The following FCRL2 variants were observed in gnomAD, a reference collection of about 807,000 sequenced individuals.
The protein encoded by FCRL2 is Fc receptor like 2.
A neutral mutation model predicts 59.8 loss-of-function variants in FCRL2; 48 were observed. That is an observed-to-expected ratio of 0.80 (90% CI 0.64 to 1.02). FCRL2 has a LOEUF of 1.02. FCRL2 is among the 50% of genes least tolerant of loss of function. FCRL2 has a pLI of 0.00. For synonymous variants in FCRL2, 251 were observed against 229.5 expected (o/e 1.09, Z -0.85); for missense variants, 658 against 597.3 (o/e 1.10, Z -1.06).
At position 157,766,858 on chromosome 1, in the gene FCRL2, A is replaced by G; in HGVS notation, c.1276T>C (p.Ser426Pro). ...GAATCCAAATGGTAGATACAACCTGATATCTTGTGGAACAAGGCATACAAC... is the reference window on the plus strand; with the variant it reads ...GAATCCAAATGGTAGATACAACCTGGTATCTTGTGGAACAAGGCATACAAC... ...LLLYALFHKISGESSATNEPR... is the reference protein window; with the variant it reads ...LLLYALFHKIPGESSATNEPR... Residue 426 changes from serine to proline, a missense_variant, in exon 7 of 12, where the codon TCA (serine) becomes CCA (proline). By Grantham distance (74) the Ser-to-Pro change is moderately conservative. Coordinates refer to ENST00000361516, the MANE Select transcript of FCRL2 (RefSeq NM_030764.4). 6.2e-7 allele frequency: 1 copy of G among 1,614,196 alleles called. No individual in the cohort carries two copies. The highest frequency in any genetic ancestry group is 1.1e-5 in the South Asian group (1 of 91,082).
At chr1:157,768,286 A>G (rs1649681614) in intron 5 of FCRL2, 128 bp downstream of exon 5, 10 of 925,252 alleles carry the variant, frequency 1.1e-5, no homozygotes, top group African/African-American at 8.2e-5. Flanking sequence ...AGCGTAACCC[A>G]TTTTCAAATT....
At chr1:157,770,196 A>C (rs1354652787) in intron 3 of FCRL2, 46 bp from the exon 4 acceptor site, 27 of 1,591,938 alleles carry the variant, frequency 1.7e-5, no homozygotes, top group Non-Finnish European at 2.2e-5. Context: ...GACAGCTAAG[A>C]TTCCTGCTGA....
chr1:157,762,350 G>T (rs942536864), intron 7 of FCRL2, among the ~76,000 whole-genome samples: 3 of 152,206 alleles, frequency 2.0e-5, no homozygotes, highest in Non-Finnish European at 4.4e-5. Flanking sequence ...CATGCTGGCT[G>T]CCCAGGGGCC....
At chr1:157,756,410 T>A (rs568659723) in intron 7 of FCRL2, among the ~76,000 whole-genome samples, 44 of 152,352 alleles carry the variant, frequency 2.9e-4, no homozygotes, top group Non-Finnish European at 5.4e-4. Flanking sequence ...TGGCCAGGCA[T>A]GGTGACTCAT....
Position 157,770,504 on chromosome 1 carries a change from G to A in FCRL2, c.215C>T (p.Ala72Val), listed in dbSNP as rs777377516. The A allele has an allele frequency of 6.2e-7, 1 of 1,614,126 alleles. No homozygotes were observed. The highest frequency in any genetic ancestry group is 1.1e-5 in the South Asian group (1 of 91,082). Residue 72 changes from alanine (A) to valine (V), a missense_variant, in exon 3 of 12, where the codon GCA (alanine) becomes GTA (valine). Physicochemically the swap from Ala to Val is moderately conservative, Grantham distance 64. Coordinates refer to ENST00000361516, the MANE Select transcript of FCRL2 (RefSeq NM_030764.4). Reference protein sequence around the residue: ...KKFSDFLIQSAVLSDSGNYFC... With the variant: ...KKFSDFLIQSVVLSDSGNYFC... Reference sequence around the variant, plus strand: ...ATAGTTACCACTGTCACTTAAAACTGCACTTTGGATAAGGAAATCTGAGAA... The same window carrying A: ...ATAGTTACCACTGTCACTTAAAACTACACTTTGGATAAGGAAATCTGAGAA...
chr1:157,760,391 G>A (rs772213492), intron 7 of FCRL2, among the ~76,000 whole-genome samples: 1 of 151,928 alleles, frequency 6.6e-6, no homozygotes, highest in Non-Finnish European at 1.5e-5. Flanking sequence ...GCGAGGCCGA[G>A]GCGGGTGGAT....
chr1:157,748,013 T>A (rs1215846800), intron 10 of FCRL2, among the ~76,000 whole-genome samples: 1 of 152,076 alleles, frequency 6.6e-6, no homozygotes, highest in African/African-American at 2.4e-5. Context: ...CATTAGACCA[T>A]CACCCTATTT....
chr1:157,764,232 TG>T (rs1474254090), intron 7 of FCRL2, among the ~76,000 whole-genome samples: 1 of 144,900 alleles, frequency 6.9e-6, no homozygotes, highest in East Asian at 2.0e-4. Flanking sequence ...TAAATAATGG[TG>T]AAAAAAAAAC....
chr1:157,752,857 A>G (rs868459337), intron 7 of FCRL2, among the ~76,000 whole-genome samples: 3 of 152,350 alleles, frequency 2.0e-5, no homozygotes, highest in Middle Eastern at 6.8e-3. Context: ...TCAAAATTTA[A>G]GAGAATCCTA....
intron 7 of FCRL2, among the ~76,000 whole-genome samples, chr1:157,764,073 A>G (rs1287057147): frequency 2.0e-5 from 3 of 151,354 alleles, no homozygotes; most frequent in East Asian, 3.9e-4. Context: ...GTGTGGTGGC[A>G]CACGCCTGTA....
intron 7 of FCRL2, among the ~76,000 whole-genome samples, chr1:157,761,279 C>CA (rs912225811): frequency 2.6e-5 from 4 of 152,134 alleles, no homozygotes; most frequent in African/African-American, 7.2e-5. Flanking sequence ...TGAGTGAGCA[C>CA]AAAAAAACCC....
intron 5 of FCRL2, 43 bp downstream of exon 5, chr1:157,768,371 G>T: frequency 6.3e-7 from 1 of 1,584,390 alleles, no homozygotes; most frequent in Non-Finnish European, 8.6e-7. Flanking sequence ...TCATGACCTT[G>T]GTCTGGGAAT....
At chr1:157,746,962 T>C in intron 10 of FCRL2, 63 bp from the exon 11 acceptor site, 1 of 1,543,232 alleles carries the variant, frequency 6.5e-7, no homozygotes, top group Non-Finnish European at 8.9e-7. Context: ...ACTCCCAGAC[T>C]TTATGCCCCA....
chr1:157,767,011 GA>G, intron 6 of FCRL2, 40 bp from the exon 7 acceptor site: 1 of 1,547,238 alleles, frequency 6.5e-7, no homozygotes, highest in Non-Finnish European at 8.8e-7. Context: ...AGAGGTTTAA[GA>G]CTTGGGCCCT....
Position 157,746,560 on chromosome 1 carries a change from T to A in FCRL2, c.*176A>T. ...CAGCAGTTCAATGAATATTGATAGG[T>A]AAAAGAAGATATTGGAGAAGAAACA... On this transcript the variant is annotated 3_prime_UTR_variant, in exon 12 of 12. Coordinates refer to ENST00000361516, the MANE Select transcript of FCRL2 (RefSeq NM_030764.4). 1 of 617,518 alleles carries A rather than the reference T, an allele frequency of 1.6e-6. No homozygotes were observed. Among genetic ancestry groups the A allele is most frequent in the South Asian group, 2.0e-5 (1 of 50,102 alleles). 38.3% of individuals were successfully genotyped at this position (617,518 alleles called of 1,614,324 possible).
intron 7 of FCRL2, among the ~76,000 whole-genome samples, chr1:157,760,757 AG>A (rs1261193823): frequency 7.3e-5 from 11 of 150,058 alleles, no homozygotes; most frequent in African/African-American, 2.5e-4. Flanking sequence ...GAAAGAAAGA[AG>A]AAAGAATGAA....
At chr1:157,749,038 A>C in intron 8 of FCRL2, 78 bp from the exon 9 acceptor site, 1 of 1,229,914 alleles carries the variant, frequency 8.1e-7, no homozygotes, top group Non-Finnish European at 1.2e-6. Flanking sequence ...CTGAGGAGAG[A>C]GCAGGTGGAA....
intron 7 of FCRL2, among the ~76,000 whole-genome samples, chr1:157,762,400 C>G (rs145064488): frequency 2.0e-5 from 3 of 152,280 alleles, no homozygotes; most frequent in Non-Finnish European, 4.4e-5. Flanking sequence ...ATAGCCACTT[C>G]GGGTATGTGA....
Position 157,770,659 on chromosome 1 carries a change from C to A in FCRL2, c.60G>T (p.Leu20=). 1 of 1,613,958 alleles carries A rather than the reference C, an allele frequency of 6.2e-7. No homozygotes were observed. Among genetic ancestry groups the A allele is most frequent in the South Asian group, 1.1e-5 (1 of 91,018 alleles). ...FDAVTEQADS[L]TLVAPSSVFE... ...AGACAGAAGAGGGCGCCACAAGGGTCAGCGAATCTGGAAGAGAAGGAGGGA... is the reference window on the plus strand; with the variant it reads ...AGACAGAAGAGGGCGCCACAAGGGTAAGCGAATCTGGAAGAGAAGGAGGGA... Residue 20 remains leucine (L), a synonymous_variant, in exon 3 of 12, where the codon CTG becomes CTT. Coordinates refer to ENST00000361516, the MANE Select transcript of FCRL2 (RefSeq NM_030764.4).
Sources: gnomAD v4.1 joint callset for allele counts (sites outside exome capture counted in the v4.1 genomes callset) on GRCh38, gnomAD v4.1.1 for gene constraint, MANE v1.5 for transcripts, NCBI Gene and HGNC (gene_info 2026-07-23, HGNC 2026-07-21) for gene names.